ADAMTSL3: variants seen among roughly 807,000 people sequenced by gnomAD.
ADAMTSL3 encodes the protein ADAMTS like 3, also known as ADAMTS-like protein 3.
ADAMTSL3 carries 128 observed loss-of-function variants against 201.7 expected under a neutral mutation model. The ratio of observed to expected loss-of-function variants is 0.63; its 90% CI spans 0.55 to 0.73. ADAMTSL3 has a LOEUF of 0.73. Ranked by LOEUF, ADAMTSL3 falls within the 30% of genes least tolerant of loss-of-function variation. The pLI is 0.00. For synonymous variants in ADAMTSL3, 738 were observed against 748.4 expected (o/e 0.99, Z 0.23); for missense variants, 1,990 against 2,119.6 (o/e 0.94, Z 1.20).
At chr15:83,768,053 A>G (rs751447989) in intron 3 of ADAMTSL3, among the ~76,000 whole-genome samples, 7 of 152,194 alleles carry the variant, frequency 4.6e-5, no homozygotes, top group Non-Finnish European at 8.8e-5. Context: ...AAAACCAACA[A>G]GAGGAAATTC....
chr15:83,737,536 A>G (rs551597463), intron 3 of ADAMTSL3, among the ~76,000 whole-genome samples: 1 of 152,270 alleles, frequency 6.6e-6, no homozygotes, highest in Non-Finnish European at 1.5e-5. Context: ...TCCTTCTGCC[A>G]TGCTTATAAG....
At chr15:83,997,573 G>A (rs889904849) in intron 23 of ADAMTSL3, among the ~76,000 whole-genome samples, 24 of 152,210 alleles carry the variant, frequency 1.6e-4, no homozygotes, top group African/African-American at 4.8e-5. Context: ...CGGGCAACAA[G>A]AATAAGACTC....
chr15:83,921,858 ATT>A (rs34208012), intron 16 of ADAMTSL3, among the ~76,000 whole-genome samples: 2 of 150,126 alleles, frequency 1.3e-5, no homozygotes, highest in African/African-American at 2.4e-5. Context: ...TAATTTTTGT[ATT>A]TTTTTTTTAG....
chr15:83,733,622 T>C (rs556915932), intron 3 of ADAMTSL3, among the ~76,000 whole-genome samples: 56 of 152,136 alleles, frequency 3.7e-4, no homozygotes, highest in Non-Finnish European at 6.8e-4. Context: ...TGCATTTTAG[T>C]GCAAATCTTT....
intron 2 of ADAMTSL3, among the ~76,000 whole-genome samples, chr15:83,667,441 A>G (rs1016210263): frequency 6.6e-6 from 1 of 152,162 alleles, no homozygotes. Context: ...TTTGTAAAAC[A>G]AACAACAACA....
chr15:84,037,620 T>C (rs1238401086), intron 29 of ADAMTSL3, 80 bp from the exon 30 acceptor site: 5 of 1,450,040 alleles, frequency 3.4e-6, no homozygotes, highest in East Asian at 2.3e-5. Context: ...TCTCAATTTA[T>C]GGCTTTTCAT....
chr15:83,896,048 AAAGC>A (rs2065607892), intron 13 of ADAMTSL3, among the ~76,000 whole-genome samples: 1 of 152,206 alleles, frequency 6.6e-6, no homozygotes, highest in Non-Finnish European at 1.5e-5. Flanking sequence ...CAAGCTCCTT[AAAGC>A]GGTGGCTTGG....
At chr15:83,889,961 C>G (rs1448553770) in intron 10 of ADAMTSL3, 148 bp from the exon 11 acceptor site, 1 of 728,450 alleles carries the variant, frequency 1.4e-6, no homozygotes, top group Non-Finnish European at 2.2e-6. Flanking sequence ...TTAAAAGCTC[C>G]CATGTGGTTC....
chr15:83,969,083 C>A (rs147262383), intron 19 of ADAMTSL3, among the ~76,000 whole-genome samples: 1 of 152,244 alleles, frequency 6.6e-6, no homozygotes, highest in South Asian at 2.1e-4. Flanking sequence ...AGCAAACCAC[C>A]ATGGCACATG....
At chr15:83,770,474 A>G (rs910510297) in intron 3 of ADAMTSL3, among the ~76,000 whole-genome samples, 3 of 152,204 alleles carry the variant, frequency 2.0e-5, no homozygotes, top group Admixed American at 6.5e-5. Context: ...TTTTACTGGT[A>G]CATTTTGCGT....
intron 13 of ADAMTSL3, among the ~76,000 whole-genome samples, chr15:83,896,647 G>A (rs993981376): frequency 3.3e-5 from 5 of 152,068 alleles, no homozygotes; most frequent in African/African-American, 9.7e-5. Flanking sequence ...TGTCTGTACT[G>A]TCTGCTCAAT....
At position 83,820,460 on chromosome 15, in the gene ADAMTSL3, G is replaced by A. The variant is rs188088204; in HGVS notation, c.600+413G>A. Reference sequence around the variant, plus strand: ...TAACAGAGTGTTGGGCTCATCCCCCGGAGTTTCTGATTCAGTAGGTAAAAG... The same window carrying A: ...TAACAGAGTGTTGGGCTCATCCCCCAGAGTTTCTGATTCAGTAGGTAAAAG... On this transcript the variant is annotated intron_variant, in intron 6 of 29. Transcript: ENST00000286744. Among the ~76,000 whole-genome samples, 678 of 152,212 alleles carry A rather than the reference G, an allele frequency of 4.5e-3. 3 individuals are homozygous for A. The highest frequency in any genetic ancestry group is 0.015 in the African/African-American group (633 of 41,518).
At chr15:83,830,257 G>A (rs2064127003) in intron 6 of ADAMTSL3, among the ~76,000 whole-genome samples, 1 of 152,074 alleles carries the variant, frequency 6.6e-6, no homozygotes, top group African/African-American at 2.4e-5. Context: ...TATAGATCTG[G>A]GGCTCTCACA....
intron 5 of ADAMTSL3, among the ~76,000 whole-genome samples, chr15:83,805,255 G>A (rs953029985): frequency 5.3e-5 from 8 of 152,088 alleles, no homozygotes; most frequent in African/African-American, 1.9e-4. Context: ...CAAATATCTT[G>A]CTTTAGAAAT....
intron 2 of ADAMTSL3, among the ~76,000 whole-genome samples, chr15:83,669,802 CTG>C (rs769511749): frequency 3.3e-5 from 5 of 151,818 alleles, no homozygotes; most frequent in Non-Finnish European, 5.9e-5. Context: ...ATCTACTCTA[CTG>C]TTGTGGCAGG....
At chr15:83,725,854 C>G (rs2062167043) in intron 3 of ADAMTSL3, among the ~76,000 whole-genome samples, 1 of 151,948 alleles carries the variant, frequency 6.6e-6, no homozygotes, top group Non-Finnish European at 1.5e-5. Context: ...TATTTTTGGT[C>G]AGGATAGCTT....
intron 3 of ADAMTSL3, among the ~76,000 whole-genome samples, chr15:83,753,906 T>A (rs569784673): frequency 4.1e-4 from 63 of 152,360 alleles, no homozygotes; most frequent in Admixed American, 1.3e-3. Context: ...TGCGTTGTTA[T>A]AACTTTATCT....
At chr15:83,900,533 A>G (rs1244617843) in intron 15 of ADAMTSL3, among the ~76,000 whole-genome samples, 1 of 152,252 alleles carries the variant, frequency 6.6e-6, no homozygotes, top group Admixed American at 6.5e-5. Flanking sequence ...TTCCATGTCA[A>G]ACATGTTAAG....
At chr15:83,691,619 T>C (rs904495342) in intron 2 of ADAMTSL3, among the ~76,000 whole-genome samples, 14 of 152,194 alleles carry the variant, frequency 9.2e-5, no homozygotes, top group African/African-American at 3.1e-4. Context: ...CTTTTCTTCG[T>C]TTATTTATTT....
Sources: allele counts gnomAD v4.1 joint callset (sites outside exome capture counted in the v4.1 genomes callset), GRCh38; gene constraint gnomAD v4.1.1; transcripts MANE v1.5; gene names NCBI Gene and HGNC (gene_info 2026-07-23, HGNC 2026-07-21).